SH3D19: variants seen among roughly 807,000 people sequenced by gnomAD.
SH3D19 encodes SH3 domain-containing protein 19.
Under a neutral mutation model 112.1 loss-of-function variants are expected in SH3D19, and 58 were observed. That is an observed-to-expected ratio of 0.52 (90% CI 0.42 to 0.64). The LOEUF is 0.64. SH3D19 is among the 30% of genes least tolerant of loss of function. The pLI is 0.00. For synonymous variants in SH3D19, 391 were observed against 448.5 expected (o/e 0.87, Z 1.62); for missense variants, 1,090 against 1,263.4 (o/e 0.86, Z 2.08).
chr4:151,287,666 G>C (rs1337218377), intron 1 of SH3D19, among the ~76,000 whole-genome samples: 1 of 152,136 alleles, frequency 6.6e-6, no homozygotes, highest in Non-Finnish European at 1.5e-5. Flanking sequence ...AGGCCAAGAC[G>C]GGAGGATCAC....
chr4:151,219,094 T>A (rs562415844), intron 2 of SH3D19, among the ~76,000 whole-genome samples: 1 of 152,340 alleles, frequency 6.6e-6, no homozygotes, highest in Admixed American at 6.5e-5. Flanking sequence ...CTGACAAAGA[T>A]TCTGAAACTT....
At chr4:151,171,874 G>T (rs1164508837) in intron 7 of SH3D19, among the ~76,000 whole-genome samples, 3 of 152,064 alleles carry the variant, frequency 2.0e-5, no homozygotes, top group African/African-American at 7.2e-5. Flanking sequence ...ATACTTCTGG[G>T]CTCCATTACA....
intron 3 of SH3D19, among the ~76,000 whole-genome samples, chr4:151,180,486 A>G (rs1237892506): frequency 7.0e-6 from 1 of 142,970 alleles, no homozygotes; most frequent in Non-Finnish European, 1.5e-5. Flanking sequence ...GGCTCACTGC[A>G]AGCTCTGCCT....
chr4:151,293,220 C>T (rs547822563), intron 1 of SH3D19, among the ~76,000 whole-genome samples: 4 of 152,204 alleles, frequency 2.6e-5, no homozygotes, highest in African/African-American at 7.2e-5. Flanking sequence ...CCTGTAATCC[C>T]AGCACTTTGG....
intron 9 of SH3D19, among the ~76,000 whole-genome samples, chr4:151,157,012 G>A (rs1376537875): frequency 6.6e-6 from 1 of 152,156 alleles, no homozygotes; most frequent in African/African-American, 2.4e-5. Flanking sequence ...TAAACTTTGG[G>A]AGGCGGAGGC....
intron 1 of SH3D19, among the ~76,000 whole-genome samples, chr4:151,232,967 G>A (rs1769731449): frequency 6.6e-6 from 1 of 152,196 alleles, no homozygotes. Context: ...TCTATGGCCT[G>A]TTAGGAACTG....
intron 1 of SH3D19, among the ~76,000 whole-genome samples, chr4:151,293,862 C>T (rs529577355): frequency 2.6e-5 from 4 of 152,252 alleles, no homozygotes; most frequent in African/African-American, 9.6e-5. Context: ...CTTCTTCAAA[C>T]ATTCTAAGCA....
At chr4:151,178,501 A>C (rs1760307083) in intron 4 of SH3D19, among the ~76,000 whole-genome samples, 1 of 152,240 alleles carries the variant, frequency 6.6e-6, no homozygotes, top group Admixed American at 6.5e-5. Flanking sequence ...GTCTAACTAA[A>C]TAGTAAGAGT....
At chr4:151,269,521 C>T (rs1773078847) in intron 1 of SH3D19, among the ~76,000 whole-genome samples, 2 of 152,200 alleles carry the variant, frequency 1.3e-5, no homozygotes, top group African/African-American at 4.8e-5. Flanking sequence ...CTTGCCCATG[C>T]CTATGTCCTG....
chr4:151,226,721 T>A (rs1440456161), intron 1 of SH3D19: 1 of 152,870 alleles, frequency 6.5e-6, no homozygotes, highest in Admixed American at 6.5e-5. Flanking sequence ...CTACAATGCA[T>A]AGAGCGGTCC....
chr4:151,208,517 T>C (rs1335159584), intron 2 of SH3D19, among the ~76,000 whole-genome samples: 28 of 152,044 alleles, frequency 1.8e-4, no homozygotes, highest in Non-Finnish European at 4.4e-5. Flanking sequence ...ATTACAGGCA[T>C]GCGGCACGAA....
At chr4:151,239,834 G>A (rs561107391) in intron 1 of SH3D19, among the ~76,000 whole-genome samples, 1 of 152,266 alleles carries the variant, frequency 6.6e-6, no homozygotes, top group African/African-American at 2.4e-5. Flanking sequence ...AGATAATAGA[G>A]CTAATAGAGG....
rs957915472 is a variant in SH3D19, at chr4:151,255,133, C to A, written c.113-29047G>T. Among the ~76,000 whole-genome samples the A allele has an allele frequency of 1.3e-4, 20 of 150,434 alleles. No homozygotes were observed. In the East Asian group the frequency reaches 3.6e-3, roughly 27 times the overall value. ...CTGGCCTGGCGGGGGGCTGACCCCCCCCACCTCCCTCCCAGACGGGGTGGC... is the reference window on the plus strand; with the variant it reads ...CTGGCCTGGCGGGGGGCTGACCCCCACCACCTCCCTCCCAGACGGGGTGGC... On this transcript the variant is annotated intron_variant, in intron 1 of 19. Coordinates refer to ENST00000604030, the MANE Select transcript of SH3D19 (RefSeq NM_001378122.1).
chr4:151,323,356 G>A (rs904252909), intron 1 of SH3D19, among the ~76,000 whole-genome samples: 2 of 152,146 alleles, frequency 1.3e-5, no homozygotes, highest in Admixed American at 6.6e-5. Flanking sequence ...AAGCTTCTGC[G>A]TCAGTTCATA....
chr4:151,136,983 A>G (rs917041569), intron 14 of SH3D19, among the ~76,000 whole-genome samples: 1 of 152,178 alleles, frequency 6.6e-6, no homozygotes, highest in Non-Finnish European at 1.5e-5. Flanking sequence ...TGTTAAGCTA[A>G]ATTTATTGAT....
At chr4:151,251,317 G>A (rs549944601) in intron 1 of SH3D19, among the ~76,000 whole-genome samples, 6 of 151,140 alleles carry the variant, frequency 4.0e-5, no homozygotes, top group South Asian at 2.1e-4. Flanking sequence ...TCCTGCCTCA[G>A]CCTCCCAAAT....
chr4:151,263,914 T>TC (rs1173277272), intron 1 of SH3D19, among the ~76,000 whole-genome samples: 1 of 152,088 alleles, frequency 6.6e-6, no homozygotes, highest in Non-Finnish European at 1.5e-5. Flanking sequence ...CAAGTGATCC[T>TC]CCCCACTTCA....
chr4:151,295,777 C>T (rs529032909), intron 1 of SH3D19, among the ~76,000 whole-genome samples: 1 of 152,276 alleles, frequency 6.6e-6, no homozygotes, highest in African/African-American at 2.4e-5. Flanking sequence ...GTGGCTTACG[C>T]CTATAATCCC....
chr4:151,275,362 C>T (rs1392002276), intron 1 of SH3D19, among the ~76,000 whole-genome samples: 1 of 152,206 alleles, frequency 6.6e-6, no homozygotes, highest in African/African-American at 2.4e-5. Context: ...GCTGGGATTA[C>T]AGGCGTGAGC....
Sources: allele counts gnomAD v4.1 joint callset (sites outside exome capture counted in the v4.1 genomes callset), GRCh38; gene constraint gnomAD v4.1.1; transcripts MANE v1.5; gene names NCBI Gene and HGNC (gene_info 2026-07-23, HGNC 2026-07-21).